The following PHF24 variants were observed in gnomAD, a reference collection of about 807,000 sequenced individuals.
The protein encoded by PHF24 is PHD finger protein 24.
In PHF24, 25 loss-of-function variants were observed where a neutral mutation model predicts 42.6. The observed-to-expected ratio is 0.59, with a 90% CI of 0.43 to 0.82. PHF24 has a LOEUF of 0.82. Among genes scored for constraint, PHF24 ranks in the 40% least tolerant of loss-of-function variants. The probability of loss-of-function intolerance (pLI) is 0.00; values close to 1 mark genes in which losing one functional copy is unlikely to be tolerated. For missense variants in PHF24, 470 were observed against 538.1 expected (o/e 0.87, Z 1.25); for synonymous variants, 185 against 204.8 (o/e 0.90, Z 0.83).
the PHF24 span, among the ~76,000 whole-genome samples, chr9:34,782,983 G>A: frequency 1.3e-5 from 2 of 152,076 alleles, no homozygotes; most frequent in African/African-American, 4.8e-5. Flanking sequence ...GTTCATCTAG[G>A]TTGCGTTTTG....
At chr9:34,932,482 C>G in the PHF24 span, among the ~76,000 whole-genome samples, 1 of 152,150 alleles carries the variant, frequency 6.6e-6, no homozygotes, top group Non-Finnish European at 1.5e-5. Context: ...TACCTATGAT[C>G]TCACTAGCCT....
chr9:34,878,995 C>G, the PHF24 span, among the ~76,000 whole-genome samples: 1 of 152,152 alleles, frequency 6.6e-6, no homozygotes, highest in African/African-American at 2.4e-5. Flanking sequence ...GCCAGGTGCC[C>G]TTTGAGATGA....
At chr9:34,732,463 GA>G in the PHF24 span, among the ~76,000 whole-genome samples, 1 of 152,042 alleles carries the variant, frequency 6.6e-6, no homozygotes, top group Non-Finnish European at 1.5e-5. Context: ...AGGATTATTA[GA>G]TTTTTTTTTC....
At chr9:34,857,592 C>T in the PHF24 span, among the ~76,000 whole-genome samples, 1 of 152,210 alleles carries the variant, frequency 6.6e-6, no homozygotes, top group Non-Finnish European at 1.5e-5. Context: ...TGTCACCCCA[C>T]TGTTTTTCCT....
Position 34,976,440 on chromosome 9 carries a change from G to A in PHF24, c.644-95G>A, listed in dbSNP as rs566060900. 3 of 1,313,748 alleles carry A rather than the reference G, an allele frequency of 2.3e-6. No homozygotes were observed. The South Asian group carries it at 4.0e-5, about 18-fold the overall frequency. 81.4% of individuals were successfully genotyped at this position (1,313,748 alleles called of 1,614,324 possible). A position where few individuals can be genotyped will look rare whatever the true frequency, so the allele number is the denominator to read the frequency against. ...GGGAGGCAGAGACTTAGCAAGAGCTGTGGGTTTGGGGGCCCCGAGGGTGCC... is the reference window on the plus strand; with the variant it reads ...GGGAGGCAGAGACTTAGCAAGAGCTATGGGTTTGGGGGCCCCGAGGGTGCC... On this transcript the variant is annotated intron_variant, in intron 4 of 7. Transcript: ENST00000242315.
chr9:34,922,410 G>T, the PHF24 span: 1 of 1,360,688 alleles, frequency 7.3e-7, no homozygotes, highest in Non-Finnish European at 1.1e-6. Flanking sequence ...GAAGTTAAGG[G>T]CCAGACCCAG....
the PHF24 span, among the ~76,000 whole-genome samples, chr9:34,842,422 A>G: frequency 6.6e-6 from 1 of 152,220 alleles, no homozygotes; most frequent in Non-Finnish European, 1.5e-5. Context: ...TCCAAATTTC[A>G]TAGATTGAAA....
chr9:34,941,434 T>C, the PHF24 span, among the ~76,000 whole-genome samples: 1 of 152,132 alleles, frequency 6.6e-6, no homozygotes, highest in Non-Finnish European at 1.5e-5. Context: ...GAGCAGGCAT[T>C]CCATAAGCCC....
the PHF24 span, among the ~76,000 whole-genome samples, chr9:34,891,672 C>A: frequency 6.6e-6 from 1 of 152,196 alleles, no homozygotes; most frequent in Non-Finnish European, 1.5e-5. Flanking sequence ...CTAGCAGCCT[C>A]TGGGCATGGT....
At chr9:34,889,592 C>T in the PHF24 span, 4 of 398,460 alleles carry the variant, frequency 1.0e-5, no homozygotes, top group Non-Finnish European at 1.8e-5. Context: ...TAATCCAGTG[C>T]AGAAACAGCT....
chr9:34,875,968 TCTCTCTCTCTCTCTCTCTCA>T, the PHF24 span, among the ~76,000 whole-genome samples: 6 of 136,668 alleles, frequency 4.4e-5, no homozygotes, highest in Non-Finnish European at 8.3e-5. Context: ...TCTCTCTCTC[TCTCTCTCTCTCTCTCTCTCA>T]CTCCTTCCAA....
chr9:34,945,937 A>G, the PHF24 span, among the ~76,000 whole-genome samples: 1 of 152,220 alleles, frequency 6.6e-6, no homozygotes, highest in Non-Finnish European at 1.5e-5. Context: ...AGCCTGTCAA[A>G]GGAGTCCTAC....
At chr9:34,918,248 G>T in the PHF24 span, 23 of 1,487,236 alleles carry the variant, frequency 1.5e-5, no homozygotes, top group Admixed American at 2.9e-4. Context: ...TCATCCGCAC[G>T]TGTCTTCTCA....
chr9:34,830,243 A>C, the PHF24 span, among the ~76,000 whole-genome samples: 1 of 152,268 alleles, frequency 6.6e-6, no homozygotes, highest in Admixed American at 6.5e-5. Context: ...TAAAAGTTAC[A>C]AAAACACTTG....
At chr9:34,899,537 G>A in the PHF24 span, among the ~76,000 whole-genome samples, 3 of 152,134 alleles carry the variant, frequency 2.0e-5, no homozygotes, top group East Asian at 1.9e-4. Flanking sequence ...CCAAGGTGCC[G>A]GGGACAGAGG....
intron 1 of PHF24, among the ~76,000 whole-genome samples, chr9:34,970,819 C>T (rs1025487458): frequency 7.2e-5 from 11 of 152,308 alleles, no homozygotes; most frequent in African/African-American, 2.2e-4. Flanking sequence ...ATTTCATGCA[C>T]GTAGAGTGCT....
the PHF24 span, chr9:34,917,615 TTTGG>T: frequency 2.6e-6 from 2 of 776,014 alleles, no homozygotes; most frequent in African/African-American, 1.7e-5. Flanking sequence ...TGGCCACCCC[TTTGG>T]TTGGCCTTCC....
the PHF24 span, chr9:34,917,476 A>C: frequency 2.6e-6 from 2 of 770,758 alleles, no homozygotes; most frequent in Non-Finnish European, 4.9e-6. Flanking sequence ...TATTGTGTGA[A>C]GTTTTCAAGT....
At chr9:34,917,654 C>T in the PHF24 span, 1 of 779,078 alleles carries the variant, frequency 1.3e-6, no homozygotes, top group South Asian at 1.3e-5. Flanking sequence ...GCCTCAGACT[C>T]CATATTACTG....
Sources: allele counts gnomAD v4.1 joint callset (sites outside exome capture counted in the v4.1 genomes callset), GRCh38; gene constraint gnomAD v4.1.1; transcripts MANE v1.5; gene names NCBI Gene and HGNC (gene_info 2026-07-23, HGNC 2026-07-21).